IL1RAP: variants seen among roughly 807,000 people sequenced by gnomAD.
IL1RAP encodes interleukin 1 receptor accessory protein, also known as interleukin-1 receptor accessory protein.
A neutral mutation model predicts 60.7 loss-of-function variants in IL1RAP; 35 were observed. The ratio of observed to expected loss-of-function variants is 0.58; its 90% CI spans 0.44 to 0.76. IL1RAP has a LOEUF of 0.76. Ranked by LOEUF, IL1RAP falls within the 30% of genes least tolerant of loss-of-function variation. The probability of loss-of-function intolerance (pLI) is 0.00; values close to 1 mark genes in which losing one functional copy is unlikely to be tolerated. For synonymous variants in IL1RAP, 268 were observed against 250.9 expected (o/e 1.07, Z -0.64); for missense variants, 572 against 693.9 (o/e 0.82, Z 1.97).
chr3:190,567,888 C>T (rs1056337483), intron 3 of IL1RAP, among the ~76,000 whole-genome samples: 5 of 152,218 alleles, frequency 3.3e-5, no homozygotes, highest in Admixed American at 6.5e-5. Context: ...TGTAAGACTT[C>T]GAAATGGAAA....
At chr3:190,530,104 T>C (rs1398813773) in intron 1 of IL1RAP, among the ~76,000 whole-genome samples, 1 of 152,160 alleles carries the variant, frequency 6.6e-6, no homozygotes, top group Non-Finnish European at 1.5e-5. Context: ...AAGTGACTTT[T>C]ATCTTAGAGA....
At chr3:190,582,463 G>A (rs573351852) in intron 3 of IL1RAP, among the ~76,000 whole-genome samples, 38 of 151,978 alleles carry the variant, frequency 2.5e-4, no homozygotes, top group African/African-American at 7.2e-4. Flanking sequence ...GGGATTACAC[G>A]CGTGCGCCAC....
At chr3:190,590,336 A>G (rs549241346) in intron 3 of IL1RAP, among the ~76,000 whole-genome samples, 4 of 151,280 alleles carry the variant, frequency 2.6e-5, no homozygotes, top group Middle Eastern at 3.4e-3. Flanking sequence ...GCTCACTGCA[A>G]CCTCTACCTC....
At chr3:190,622,143 A>T (rs1169500475) in intron 6 of IL1RAP, among the ~76,000 whole-genome samples, 1 of 152,212 alleles carries the variant, frequency 6.6e-6, no homozygotes, top group African/African-American at 2.4e-5. Flanking sequence ...GAGAAGAAAC[A>T]ACTGACTAAG....
At chr3:190,518,242 C>T (rs961380946) in intron 1 of IL1RAP, among the ~76,000 whole-genome samples, 1 of 152,012 alleles carries the variant, frequency 6.6e-6, no homozygotes, top group Admixed American at 6.5e-5. Context: ...TAGAGATGAT[C>T]TTTTGGCTCT....
chr3:190,531,274 A>T (rs919319414), intron 1 of IL1RAP, among the ~76,000 whole-genome samples: 11 of 152,146 alleles, frequency 7.2e-5, no homozygotes, highest in Admixed American at 4.6e-4. Context: ...AATAATTAAA[A>T]AAAATCCACC....
chr3:190,580,661 G>A (rs1020704206), intron 3 of IL1RAP, among the ~76,000 whole-genome samples: 5 of 152,058 alleles, frequency 3.3e-5, no homozygotes, highest in Non-Finnish European at 5.9e-5. Flanking sequence ...GAAATGGAGA[G>A]GTGTTAATCA....
chr3:190,626,042 C>T (rs1732236441), intron 7 of IL1RAP, among the ~76,000 whole-genome samples: 1 of 152,130 alleles, frequency 6.6e-6, no homozygotes, highest in Non-Finnish European at 1.5e-5. Flanking sequence ...TATAATTTAT[C>T]ATCTAAACCA....
rs572210798 is a variant in IL1RAP, at chr3:190,597,294, C to G, written c.65-6834C>G. On this transcript the variant is annotated intron_variant, in intron 3 of 11. Coordinates refer to ENST00000447382, the MANE Select transcript of IL1RAP (RefSeq NM_002182.4). Reference sequence around the variant, plus strand: ...AAAGTGTCTGGTCTTGATTTATTAACTTATGTTATGAAAGGAAAATTCTAC... The same window carrying G: ...AAAGTGTCTGGTCTTGATTTATTAAGTTATGTTATGAAAGGAAAATTCTAC... Among the ~76,000 whole-genome samples the G allele has an allele frequency of 1.1e-4, 16 of 152,270 alleles. No individual in the cohort carries two copies. The South Asian group carries it at 3.1e-3, about 30-fold the overall frequency.
intron 3 of IL1RAP, among the ~76,000 whole-genome samples, chr3:190,568,821 T>C (rs116654191): frequency 1.2e-4 from 18 of 152,372 alleles, no homozygotes; most frequent in African/African-American, 4.3e-4. Context: ...AATAACAATG[T>C]TAACAATGAT....
chr3:190,655,332 AAG>A (rs1393423870), downstream of IL1RAP, among the ~76,000 whole-genome samples: 1 of 152,192 alleles, frequency 6.6e-6, no homozygotes, highest in African/African-American at 2.4e-5. Flanking sequence ...TTTATGGAAT[AAG>A]AGAAATATCC....
At chr3:190,639,769 G>A (rs1253155163) in intron 9 of IL1RAP, among the ~76,000 whole-genome samples, 1 of 152,086 alleles carries the variant, frequency 6.6e-6, no homozygotes. Context: ...TTGCATAACT[G>A]CTTGCTTTTA....
downstream of IL1RAP, chr3:190,656,335 A>T: frequency 6.5e-7 from 1 of 1,537,252 alleles, no homozygotes; most frequent in Non-Finnish European, 8.7e-7. Context: ...AGCCCCAGGC[A>T]CAATGTCCAA....
Position 190,640,989 on chromosome 3 carries a change from G to C in IL1RAP, c.1052-3259G>C, listed in dbSNP as rs187271911. 2.1e-3 allele frequency among the ~76,000 whole-genome samples: 319 copies of C among 152,110 alleles called. 1 individual carries two copies. Among genetic ancestry groups the C allele is most frequent in the Admixed American group, 3.3e-3 (51 of 15,298 alleles). On this transcript the variant is annotated intron_variant, in intron 9 of 11. Transcript: ENST00000447382. Reference sequence around the variant, plus strand: ...TTTTTATTTTTATTTTTTTGAGACAGAGTTTTGCTCTTGTTGCCAAGGCTG... The same window carrying C: ...TTTTTATTTTTATTTTTTTGAGACACAGTTTTGCTCTTGTTGCCAAGGCTG...
chr3:190,622,511 C>T (rs951445025), intron 6 of IL1RAP, among the ~76,000 whole-genome samples: 1 of 152,166 alleles, frequency 6.6e-6, no homozygotes, highest in African/African-American at 2.4e-5. Context: ...TAGGTTCCCG[C>T]GTTACCCACA....
chr3:190,601,813 G>A (rs1435899649), intron 3 of IL1RAP, among the ~76,000 whole-genome samples: 1 of 151,376 alleles, frequency 6.6e-6, no homozygotes, highest in Non-Finnish European at 1.5e-5. Flanking sequence ...TCTGGAGGTG[G>A]GCCAGCTGCC....
rs2108800731 is a variant in IL1RAP, at chr3:190,623,428, A to G, written c.775+13A>G. Reference sequence around the variant, plus strand: ...GAGAAAGAACCAGGTAATTACAGCTATGTCTCTGAATTTCACTTAGATTCT... The same window carrying G: ...GAGAAAGAACCAGGTAATTACAGCTGTGTCTCTGAATTTCACTTAGATTCT... On this transcript the variant is annotated intron_variant, in intron 7 of 11. Transcript: ENST00000447382. 1.9e-6 allele frequency: 3 copies of G among 1,570,348 alleles called. No homozygotes were observed. The highest frequency in any genetic ancestry group is 2.6e-6 in the Non-Finnish European group (3 of 1,140,568).
At chr3:190,604,963 A>G (rs1322690066) in intron 4 of IL1RAP, among the ~76,000 whole-genome samples, 3 of 152,164 alleles carry the variant, frequency 2.0e-5, no homozygotes, top group Non-Finnish European at 4.4e-5. Flanking sequence ...TCTGTCAGAC[A>G]CTGCACATCT....
intron 3 of IL1RAP, among the ~76,000 whole-genome samples, chr3:190,580,546 A>G (rs1184276165): frequency 1.3e-5 from 2 of 152,236 alleles, no homozygotes; most frequent in Non-Finnish European, 2.9e-5. Flanking sequence ...AGCCAGGCAC[A>G]GAAGGACAGA....
Sources: gnomAD v4.1 joint callset for allele counts (sites outside exome capture counted in the v4.1 genomes callset) on GRCh38, gnomAD v4.1.1 for gene constraint, MANE v1.5 for transcripts, NCBI Gene and HGNC (gene_info 2026-07-23, HGNC 2026-07-21) for gene names.